The following MID2 variants were observed in gnomAD, a reference collection of about 807,000 sequenced individuals.
MID2 encodes probable E3 ubiquitin-protein ligase MID2.
Under a neutral mutation model 46.1 loss-of-function variants are expected in MID2, and 13 were observed. The observed-to-expected ratio is 0.28, with a 90% CI of 0.18 to 0.45. The LOEUF is 0.45. MID2 is among the 20% of genes least tolerant of loss of function. The pLI is 1.00. For synonymous variants in MID2, 199 were observed against 212.3 expected (o/e 0.94, Z 0.55); for missense variants, 431 against 575.4 (o/e 0.75, Z 2.57).
chrX:107,926,148 A>G lies in MID2; in HGVS notation c.1652A>G (p.Asn551Ser), dbSNP rs374970570. 2.6e-5 allele frequency: 32 copies of G among 1,209,254 alleles called. No homozygotes were observed. Among genetic ancestry groups the G allele is most frequent in the African/African-American group, 5.2e-5 (3 of 57,543 alleles). The change falls in exon 9 of 10, where the codon AAT (asparagine) becomes AGT (serine). Residue 551 changes from asparagine (N) to serine (S), a missense_variant. Transcript: ENST00000262843. The part of the protein sequence containing the change: ...KMTHKKLKIS[N>S]DGLQMEKDES... ...ACTCACAAGAAGTTGAAGATCTCCA[A>G]TGATGGATTGCAGATGGAGAAGGAT...
intron 1 of MID2, among the ~76,000 whole-genome samples, chrX:107,829,307 C>T (rs1171439969): frequency 1.8e-5 from 2 of 112,052 alleles, no homozygotes; most frequent in Non-Finnish European, 1.9e-5. Context: ...TATCATTGTA[C>T]GTAGGTCCTA....
intron 1 of MID2, among the ~76,000 whole-genome samples, chrX:107,831,860 C>G (rs187228108): frequency 8.9e-6 from 1 of 111,753 alleles, no homozygotes; most frequent in African/African-American, 3.3e-5. Context: ...GTTCCTCAAC[C>G]CTGCAACTGC....
At chrX:107,853,579 C>T (rs932933810) in intron 2 of MID2, among the ~76,000 whole-genome samples, 9 of 111,437 alleles carry the variant, frequency 8.1e-5, no homozygotes, top group East Asian at 2.8e-4. Context: ...GGATTACAGG[C>T]GTGAACCACC....
chrX:107,830,185 A>G (rs1264294744), intron 1 of MID2, among the ~76,000 whole-genome samples: 1 of 112,538 alleles, frequency 8.9e-6, no homozygotes, highest in Non-Finnish European at 1.9e-5. Flanking sequence ...ATTCTATCCC[A>G]TAGAACTCAA....
At chrX:107,833,429 A>AT (rs1192153525) in intron 1 of MID2, among the ~76,000 whole-genome samples, 1,612 of 104,401 alleles carry the variant, frequency 0.015, 23 homozygotes, top group African/African-American at 0.05. Context: ...ATATATATAT[A>AT]TTTTTTTTAA....
chrX:107,856,091 G>A (rs188061267), intron 3 of MID2, among the ~76,000 whole-genome samples: 1 of 111,950 alleles, frequency 8.9e-6, no homozygotes, highest in Non-Finnish European at 1.9e-5. Flanking sequence ...CATGACCTTC[G>A]ACTTCTTTCT....
At position 107,930,934 on chromosome X, in the gene MID2, C is replaced by T. The variant is rs1466290575; in HGVS notation, c.*3861C>T. 8.9e-6 allele frequency among the ~76,000 whole-genome samples: 1 copy of T among 111,966 alleles called. No individual in the cohort carries two copies. The highest frequency in any genetic ancestry group is 1.9e-5 in the Non-Finnish European group (1 of 53,122). On this transcript the variant is annotated 3_prime_UTR_variant, in exon 10 of 10. Transcript: ENST00000262843. Reference sequence around the variant, plus strand: ...AAAAATAATCAAAAATAAAGTAAAACCTGTTTTGAGAGTATGAAAGAAATT... The same window carrying T: ...AAAAATAATCAAAAATAAAGTAAAATCTGTTTTGAGAGTATGAAAGAAATT...
At chrX:107,885,940 A>G (rs1204292465) in intron 3 of MID2, among the ~76,000 whole-genome samples, 1 of 111,573 alleles carries the variant, frequency 9.0e-6, no homozygotes, top group Admixed American at 9.5e-5. Flanking sequence ...GTGTCTGTTC[A>G]TATCCTTTGC....
At chrX:107,919,591 G>A (rs1393046745) in intron 7 of MID2, among the ~76,000 whole-genome samples, 9 of 111,913 alleles carry the variant, frequency 8.0e-5, no homozygotes, top group Non-Finnish European at 1.9e-5. Flanking sequence ...ATATGGCATA[G>A]TTTCAGATCT....
chrX:107,931,483 G>A lies in MID2; in HGVS notation c.*4410G>A, dbSNP rs780936764. The stretch of plus-strand genomic sequence containing the variant: ...TTTTTTATCAAATGCTTTACCCCAC[G>A]CCTGTTTGTATTGGGAGCTCTGGAC... On this transcript the variant is annotated 3_prime_UTR_variant, in exon 10 of 10. Coordinates refer to ENST00000262843, the MANE Select transcript of MID2 (RefSeq NM_012216.4). Among the ~76,000 whole-genome samples, 7 of 111,833 alleles carry A rather than the reference G, an allele frequency of 6.3e-5. No individual in the cohort carries two copies. Among genetic ancestry groups the A allele is most frequent in the African/African-American group, 1.9e-4 (6 of 30,818 alleles).
At position 107,826,053 on chromosome X, in the gene MID2, G is replaced by T. The variant is rs11541084; in HGVS notation, c.-374G>T. 1 of 293,732 alleles carries T rather than the reference G, an allele frequency of 3.4e-6. No individual in the cohort carries two copies. Among genetic ancestry groups the T allele is most frequent in the Non-Finnish European group, 5.9e-6 (1 of 168,735 alleles). The allele number at this position is 293,732 out of a possible 1,213,427, so 24.2% of individuals were successfully genotyped here. ...TTGCCCCCACTCCGCCTCCCTTTTG[G>T]AAGGGATTGCCTTTTTTTTCCTCTG... On this transcript the variant is annotated 5_prime_UTR_variant, in exon 1 of 10. Transcript: ENST00000262843.
chrX:107,926,903 G>T lies in MID2; in HGVS notation c.2038G>T (p.Asp680Tyr). 2 of 1,211,091 alleles carry T rather than the reference G, an allele frequency of 1.7e-6. No homozygotes were observed. Among genetic ancestry groups the T allele is most frequent in the Non-Finnish European group, 2.2e-6 (2 of 894,987 alleles). The change falls in exon 10 of 10, where the codon GAT (aspartate) becomes TAT (tyrosine). Residue 680 changes from aspartate to tyrosine, a missense_variant. Asp to Tyr is a radical substitution (Grantham distance 160, BLOSUM62 -3). Coordinates refer to ENST00000262843, the MANE Select transcript of MID2 (RefSeq NM_012216.4). ...PANSLHLHTF[D>Y]VTFILPVCPT... ...TAACTCTCTCCATCTTCATACTTTTGATGTGACCTTCATTCTTCCAGTTTG... is the reference window on the plus strand; with the variant it reads ...TAACTCTCTCCATCTTCATACTTTTTATGTGACCTTCATTCTTCCAGTTTG...
intron 3 of MID2, among the ~76,000 whole-genome samples, chrX:107,888,120 T>G (rs1472063623): frequency 8.9e-6 from 1 of 111,882 alleles, no homozygotes; most frequent in South Asian, 3.7e-4. Context: ...GTGTCTCTAT[T>G]TCCTTCAGTT....
chrX:107,871,346 G>A lies in MID2; in HGVS notation c.816+16642G>A, dbSNP rs762161177. On this transcript the variant is annotated intron_variant, in intron 3 of 9. Transcript: ENST00000262843. ...TTCCACGCCTTGCAGGAGGGGGAGCGCAGGTGAGCAGGTGAAGGAGCTGGG... is the reference window on the plus strand; with the variant it reads ...TTCCACGCCTTGCAGGAGGGGGAGCACAGGTGAGCAGGTGAAGGAGCTGGG... 6.3e-5 allele frequency among the ~76,000 whole-genome samples: 7 copies of A among 111,258 alleles called. No homozygotes were observed. In the South Asian group the frequency reaches 1.9e-3, roughly 30 times the overall value.
chrX:107,827,810 T>C (rs1268372935), intron 1 of MID2, among the ~76,000 whole-genome samples: 3 of 105,313 alleles, frequency 2.8e-5, no homozygotes, highest in Non-Finnish European at 5.9e-5. Context: ...AAACTGTCTT[T>C]GCTATTTTTA....
At position 107,925,366 on chromosome X, in the gene MID2, A is replaced by G. The variant is rs766288807; in HGVS notation, c.1598-728A>G. 8.2e-4 allele frequency among the ~76,000 whole-genome samples: 92 copies of G among 112,072 alleles called. No homozygotes were observed. In the South Asian group the frequency reaches 0.015, roughly 18 times the overall value. ...TGTCTGTCACAGAAGCATTCTGTAT[A>G]AAAATCTCTTGCCACACCCAGCAAC... On this transcript the variant is annotated intron_variant, in intron 8 of 9. Coordinates refer to ENST00000262843, the MANE Select transcript of MID2 (RefSeq NM_012216.4).
intron 3 of MID2, among the ~76,000 whole-genome samples, chrX:107,893,947 C>T (rs1314370434): frequency 8.9e-6 from 1 of 112,720 alleles, no homozygotes; most frequent in Non-Finnish European, 1.9e-5. Context: ...GTGGACGTCG[C>T]ACCTGTCTTC....
intron 7 of MID2, among the ~76,000 whole-genome samples, chrX:107,921,855 A>G (rs970073395): frequency 9.0e-6 from 1 of 111,254 alleles, no homozygotes; most frequent in African/African-American, 3.3e-5. Context: ...ACTTTCTGGC[A>G]TAACAAAATG....
chrX:107,906,881 C>T (rs1932840285), intron 5 of MID2, among the ~76,000 whole-genome samples: 1 of 112,473 alleles, frequency 8.9e-6, no homozygotes, highest in Non-Finnish European at 1.9e-5. Context: ...CCACTGCCCT[C>T]GGCCAACAAT....
Sources: gnomAD v4.1 joint callset for allele counts (sites outside exome capture counted in the v4.1 genomes callset) on GRCh38, gnomAD v4.1.1 for gene constraint, MANE v1.5 for transcripts, NCBI Gene and HGNC (gene_info 2026-07-23, HGNC 2026-07-21) for gene names.